MICU2: variants seen among roughly 807,000 people sequenced by gnomAD.
The protein encoded by MICU2 is mitochondrial calcium uptake 2.
A neutral mutation model predicts 60.4 loss-of-function variants in MICU2; 64 were observed. That is an observed-to-expected ratio of 1.06 (90% CI 0.87 to 1.31). The LOEUF is 1.31. MICU2 is among the 50% of genes most tolerant of loss of function. MICU2 has a pLI of 0.00. For synonymous variants in MICU2, 201 were observed against 175.0 expected (o/e 1.15, Z -1.17); for missense variants, 569 against 531.0 (o/e 1.07, Z -0.70).
At chr13:21,593,593 A>AAAAAAAT in intron 1 of MICU2, among the ~76,000 whole-genome samples, 1 of 150,658 alleles carries the variant, frequency 6.6e-6, no homozygotes, top group East Asian at 1.9e-4. Context: ...AAAAAAAAAA[A>AAAAAAAT]ACAAAGCTGG....
chr13:21,493,435 T>G (rs960480101), intron 11 of MICU2, 82 bp from the exon 12 acceptor site: 3 of 952,382 alleles, frequency 3.1e-6, no homozygotes, highest in Non-Finnish European at 4.7e-6. Flanking sequence ...TTACTGTTTA[T>G]TTCCTTCCCA....
At chr13:21,590,105 C>T (rs1448619302) in intron 1 of MICU2, among the ~76,000 whole-genome samples, 1 of 152,148 alleles carries the variant, frequency 6.6e-6, no homozygotes, top group Admixed American at 6.5e-5. Context: ...CATTAAGATA[C>T]TCCATGAGAA....
intron 1 of MICU2, among the ~76,000 whole-genome samples, chr13:21,586,952 T>C (rs1888473506): frequency 6.6e-6 from 1 of 152,218 alleles, no homozygotes; most frequent in Admixed American, 6.5e-5. Context: ...AGGCATCTTC[T>C]TCCCTCTTTC....
Position 21,598,674 on chromosome 13 carries a change from C to T in MICU2, c.210+5265G>A, listed in dbSNP as rs145145264. On this transcript the variant is annotated intron_variant, in intron 1 of 11. Coordinates refer to ENST00000382374, the MANE Select transcript of MICU2 (RefSeq NM_152726.3). The stretch of plus-strand genomic sequence containing the variant: ...GAGGTTGCAGTGAGTCGAGATTGCA[C>T]CACTGCACTCCAGCCTGAGTGACTG... Among the ~76,000 whole-genome samples the T allele has an allele frequency of 5.7e-3, 866 of 152,168 alleles. 11 individuals are homozygous for T. The highest frequency in any genetic ancestry group is 0.019 in the African/African-American group (799 of 41,498).
intron 1 of MICU2, among the ~76,000 whole-genome samples, chr13:21,584,149 G>A (rs1010973867): frequency 1.3e-5 from 2 of 152,140 alleles, no homozygotes; most frequent in Non-Finnish European, 2.9e-5. Flanking sequence ...CAGCATTTTG[G>A]GAGGCTGGGG....
intron 1 of MICU2, among the ~76,000 whole-genome samples, chr13:21,586,741 A>G (rs1177299033): frequency 6.6e-6 from 1 of 152,140 alleles, no homozygotes; most frequent in Non-Finnish European, 1.5e-5. Context: ...TCTTCCTTAT[A>G]GCTTAAGCTT....
chr13:21,503,005 TC>T lies in MICU2; in HGVS notation c.853del (p.Glu285SerfsTer19). The T allele has an allele frequency of 3.1e-6, 5 of 1,610,894 alleles. No homozygotes were observed. Among genetic ancestry groups the T allele is most frequent in the Non-Finnish European group, 4.2e-6 (5 of 1,178,962 alleles). On this transcript the variant is annotated frameshift_variant, in exon 9 of 12. Transcript: ENST00000382374. LOFTEE classifies it high-confidence loss of function. ...LSFMRKEDFA[E>X]WLLFFTNTEN... ...AGTGTTAGTGAAAAAAAGTAGCCAC[TC>T]TGCAAAGTCTTCTTTTCTCATGAAA...
intron 8 of MICU2, among the ~76,000 whole-genome samples, chr13:21,506,027 CTT>C (rs1158304652): frequency 7.6e-5 from 11 of 144,566 alleles, no homozygotes; most frequent in Admixed American, 1.4e-4. Flanking sequence ...CCAGACTCCA[CTT>C]TTTTTTTTTT....
chr13:21,507,677 C>T (rs577732595), intron 8 of MICU2, among the ~76,000 whole-genome samples: 27 of 151,026 alleles, frequency 1.8e-4, no homozygotes, highest in Non-Finnish European at 3.4e-4. Context: ...AGTCTTGGCT[C>T]ATTGCAACCT....
At chr13:21,563,219 GC>G (rs1453415507) in intron 2 of MICU2, among the ~76,000 whole-genome samples, 1 of 152,096 alleles carries the variant, frequency 6.6e-6, no homozygotes, top group Non-Finnish European at 1.5e-5. Context: ...ACTTTGGGAG[GC>G]CAAGGTGGGC....
chr13:21,571,868 T>C (rs1428362678), intron 1 of MICU2, among the ~76,000 whole-genome samples: 1 of 152,146 alleles, frequency 6.6e-6, no homozygotes, highest in Non-Finnish European at 1.5e-5. Context: ...TTGAGCTATG[T>C]GACAAAAATG....
At chr13:21,544,691 T>G (rs1221054652) in intron 2 of MICU2, among the ~76,000 whole-genome samples, 1 of 152,124 alleles carries the variant, frequency 6.6e-6, no homozygotes. Flanking sequence ...CTTGCTCTGT[T>G]GCCCAGGCTA....
chr13:21,514,315 T>C (rs747445760), intron 7 of MICU2, 38 bp downstream of exon 7: 3 of 1,502,012 alleles, frequency 2.0e-6, no homozygotes, highest in Non-Finnish European at 2.7e-6. Flanking sequence ...AGAGTAGCTA[T>C]TATAAATATC....
At chr13:21,528,330 A>T (rs2138176836) in intron 4 of MICU2, among the ~76,000 whole-genome samples, 1 of 152,338 alleles carries the variant, frequency 6.6e-6, no homozygotes, top group South Asian at 2.1e-4. Context: ...ACAGTAAAGT[A>T]TATCTTTAAA....
intron 4 of MICU2, chr13:21,530,974 C>T: frequency 1.3e-6 from 1 of 780,468 alleles, no homozygotes; most frequent in South Asian, 1.4e-5. Context: ...CAAATATACA[C>T]TCTGGAAATG....
chr13:21,537,099 A>AT (rs914983960), intron 4 of MICU2, among the ~76,000 whole-genome samples: 10 of 151,744 alleles, frequency 6.6e-5, no homozygotes, highest in South Asian at 2.1e-4. Flanking sequence ...TGAAAAGGGG[A>AT]TTTTTTTCCC....
intron 2 of MICU2, among the ~76,000 whole-genome samples, chr13:21,556,213 A>G (rs560577829): frequency 7.9e-5 from 12 of 152,292 alleles, no homozygotes; most frequent in Admixed American, 3.3e-4. Context: ...TCATATTGCC[A>G]AATCTAATGG....
intron 6 of MICU2, among the ~76,000 whole-genome samples, chr13:21,517,085 C>T (rs543921030): frequency 5.3e-5 from 8 of 152,222 alleles, no homozygotes; most frequent in Admixed American, 3.9e-4. Context: ...ACAGCTCACA[C>T]AGACAGTTGC....
At chr13:21,573,211 G>T (rs1180096907) in intron 1 of MICU2, among the ~76,000 whole-genome samples, 1 of 152,140 alleles carries the variant, frequency 6.6e-6, no homozygotes. Context: ...ACTGTTACAT[G>T]TCAAATAAAA....
Sources: gnomAD v4.1 joint callset for allele counts (sites outside exome capture counted in the v4.1 genomes callset) on GRCh38, gnomAD v4.1.1 for gene constraint, MANE v1.5 for transcripts, NCBI Gene and HGNC (gene_info 2026-07-23, HGNC 2026-07-21) for gene names.